The following ZC3H6 variants were observed in gnomAD, a reference collection of about 807,000 sequenced individuals.
ZC3H6 encodes the protein zinc finger CCCH domain-containing protein 6.
A neutral mutation model predicts 107.7 loss-of-function variants in ZC3H6; 40 were observed. The observed-to-expected ratio is 0.37, with a 90% CI of 0.29 to 0.48. The LOEUF is 0.48. Ranked by LOEUF, ZC3H6 falls within the 20% of genes least tolerant of loss-of-function variation. The pLI is 0.98. For missense variants in ZC3H6, 1,267 were observed against 1,410.4 expected (o/e 0.90, Z 1.63); for synonymous variants, 493 against 487.9 (o/e 1.01, Z -0.14).
At position 112,303,174 on chromosome 2, in the gene ZC3H6, G is replaced by C. The variant is rs914927410; in HGVS notation, c.214-55G>C. 100 of 1,567,522 alleles carry C rather than the reference G, an allele frequency of 6.4e-5. 1 individual carries two copies. Among genetic ancestry groups the C allele is most frequent in the Non-Finnish European group, 5.3e-5 (62 of 1,159,250 alleles). ...CTGAAACAAGCTTATCTAATTACTAGTTAAATTTTCTTCCTTTTGCAAATG... is the reference window on the plus strand; with the variant it reads ...CTGAAACAAGCTTATCTAATTACTACTTAAATTTTCTTCCTTTTGCAAATG... On this transcript the variant is annotated intron_variant, in intron 2 of 11. Coordinates refer to ENST00000409871, the MANE Select transcript of ZC3H6 (RefSeq NM_198581.3).
chr2:112,331,713 T>C lies in ZC3H6; in HGVS notation c.2795T>C (p.Leu932Ser). ...HQNTVSIDPK[L>S]AAKAKINTTN... ...AATACAGTGTCCATTGATCCAAAAT[T>C]AGCAGCCAAAGCCAAAATTAACACA... Residue 932 changes from leucine (L) to serine (S), a missense_variant, in exon 12 of 12, where the codon TTA becomes TCA. Leu to Ser is a moderately radical substitution (Grantham distance 145, BLOSUM62 -2). Transcript: ENST00000409871. 6.2e-7 allele frequency: 1 copy of C among 1,613,844 alleles called. No individual in the cohort carries two copies.
At chr2:112,330,285 C>A (rs1233687503) in intron 11 of ZC3H6, among the ~76,000 whole-genome samples, 1 of 152,072 alleles carries the variant, frequency 6.6e-6, no homozygotes, top group East Asian at 1.9e-4. Flanking sequence ...GATCTCATGA[C>A]CTCGTGATCC....
At chr2:112,290,110 TAAAA>T (rs1187976434) in intron 1 of ZC3H6, among the ~76,000 whole-genome samples, 6 of 150,780 alleles carry the variant, frequency 4.0e-5, no homozygotes, top group Non-Finnish European at 7.4e-5. Flanking sequence ...GCTATTCAAT[TAAAA>T]AAAAAACAAA....
intron 1 of ZC3H6, among the ~76,000 whole-genome samples, chr2:112,281,236 GACA>G (rs1157605785): frequency 6.6e-6 from 1 of 152,132 alleles, no homozygotes; most frequent in Non-Finnish European, 1.5e-5. Flanking sequence ...CCTGATACAA[GACA>G]ACAATTCAGA....
At chr2:112,328,518 G>GT (rs1225637882) in intron 11 of ZC3H6, among the ~76,000 whole-genome samples, 1 of 152,120 alleles carries the variant, frequency 6.6e-6, no homozygotes, top group East Asian at 1.9e-4. Flanking sequence ...TTGCATCAAT[G>GT]TAAGTGAACA....
intron 3 of ZC3H6, among the ~76,000 whole-genome samples, chr2:112,306,885 T>C (rs372344742): frequency 6.6e-6 from 1 of 152,212 alleles, no homozygotes; most frequent in East Asian, 1.9e-4. Flanking sequence ...ACCTGGTTCT[T>C]CCTGATGGGG....
At chr2:112,283,860 CATCTTAGTTAAAAATTCAT>C (rs1686565040) in intron 1 of ZC3H6, among the ~76,000 whole-genome samples, 2 of 152,222 alleles carry the variant, frequency 1.3e-5, no homozygotes, top group South Asian at 4.1e-4. Context: ...CAGACAATTT[CATCTTAGTTAAAAATTCAT>C]CTGACGTGAC....
At chr2:112,314,260 A>G (rs7571179) in intron 5 of ZC3H6, among the ~76,000 whole-genome samples, 1 of 152,066 alleles carries the variant, frequency 6.6e-6, no homozygotes, top group Non-Finnish European at 1.5e-5. Flanking sequence ...GCAAGGCACA[A>G]TTCCTGAGTT....
Position 112,299,984 on chromosome 2 carries a change from G to A in ZC3H6, c.168G>A (p.Glu56=), listed in dbSNP as rs1414567048. 3.4e-6 allele frequency: 5 copies of A among 1,490,896 alleles called. No individual in the cohort carries two copies. Among genetic ancestry groups the A allele is most frequent in the Non-Finnish European group, 4.5e-6 (5 of 1,123,326 alleles). The allele number at this position is 1,490,896 out of a possible 1,614,324, so 92.4% of individuals were successfully genotyped here. A position where few individuals can be genotyped will look rare whatever the true frequency, so the allele number is the denominator to read the frequency against. ...YRKSRKKHKK[E]REKKKSKRRK... ...AATCAAGAAAAAAACATAAGAAAGA[G>A]AGAGAGAAGAAAAAATCCAAAAGGA... The change falls in exon 2 of 12, where the codon GAG becomes GAA. Residue 56 remains glutamate (E), a synonymous_variant. Transcript: ENST00000409871.
rs937602744 is a variant in ZC3H6 at position 112,303,244 on chromosome 2, A to G, written c.229A>G (p.Ser77Gly). The G allele has an allele frequency of 5.6e-6, 9 of 1,611,208 alleles. No homozygotes were observed. Among genetic ancestry groups the G allele is most frequent in the Non-Finnish European group, 6.8e-6 (8 of 1,178,658 alleles). The change falls in exon 3 of 12, where the codon AGT (serine) becomes GGT (glycine). Residue 77 changes from serine to glycine, a missense_variant. Transcript: ENST00000409871. ...CTCCCTTCAGCATAATTCCCCATCTAGTGATGATAGTTCGGACTACAGCCT... is the reference window on the plus strand; with the variant it reads ...CTCCCTTCAGCATAATTCCCCATCTGGTGATGATAGTTCGGACTACAGCCT... ...REKHKHNSPSSDDSSDYSLDS... is the reference protein window; with the variant it reads ...REKHKHNSPSGDDSSDYSLDS...
At chr2:112,276,722 G>A (rs1192634360) in intron 1 of ZC3H6, among the ~76,000 whole-genome samples, 1 of 152,086 alleles carries the variant, frequency 6.6e-6, no homozygotes. Context: ...TTTTTGCTCT[G>A]TGCCTTAAGA....
intron 9 of ZC3H6, 80 bp from the exon 10 acceptor site, chr2:112,324,072 C>G (rs1676855988): frequency 7.0e-7 from 1 of 1,429,956 alleles, no homozygotes; most frequent in Non-Finnish European, 9.4e-7. Flanking sequence ...AGTACTTAAC[C>G]AATATCTGTT....
At position 112,275,737 on chromosome 2, in the gene ZC3H6, T is replaced by C. The variant is rs1686403018; in HGVS notation, c.-258T>C. 4.6e-6 allele frequency: 2 copies of C among 430,320 alleles called. No homozygotes were observed. The highest frequency in any genetic ancestry group is 4.1e-5 in the African/African-American group (2 of 48,722). The allele number at this position is 430,320 out of a possible 1,614,324, so 26.7% of individuals were successfully genotyped here. On this transcript the variant is annotated 5_prime_UTR_variant, in exon 1 of 12. It removes the in-frame stop codon of an upstream open reading frame in the 5' UTR. Transcript: ENST00000409871. ...ACAGCCACCGGCGGCGAATAGAGAC[T>C]AGAGCGGCAGCGCCGGCAGCGCGGG...
intron 9 of ZC3H6, among the ~76,000 whole-genome samples, chr2:112,323,752 AATT>A (rs1304295986): frequency 1.3e-5 from 2 of 152,188 alleles, no homozygotes; most frequent in Non-Finnish European, 2.9e-5. Flanking sequence ...ACCAATTACA[AATT>A]ATTATAAAAA....
intron 1 of ZC3H6, among the ~76,000 whole-genome samples, chr2:112,276,291 C>G (rs1488656127): frequency 3.3e-5 from 5 of 149,986 alleles, no homozygotes; most frequent in Admixed American, 6.6e-5. Flanking sequence ...CCCCGCCCCC[C>G]GGGCGGGCTC....
At position 112,332,149 on chromosome 2, in the gene ZC3H6, T is replaced by C. The variant is rs201215551; in HGVS notation, c.3231T>C (p.Ser1077=). The change falls in exon 12 of 12, where the codon AGT becomes AGC. Residue 1077 remains serine (S), a synonymous_variant. Coordinates refer to ENST00000409871, the MANE Select transcript of ZC3H6 (RefSeq NM_198581.3). ...AAAACTCAAAGAACCAGAAAAAAAG[T>C]GGTGGCTTAAAAAGTAGTGACAAAA... The part of the protein sequence containing the change: ...SGENSKNQKK[S]GGLKSSDKTE... 6.2e-7 allele frequency: 1 copy of C among 1,613,814 alleles called. No individual in the cohort carries two copies. Among genetic ancestry groups the C allele is most frequent in the Non-Finnish European group, 8.5e-7 (1 of 1,179,824 alleles).
intron 2 of ZC3H6, among the ~76,000 whole-genome samples, chr2:112,301,493 A>AT (rs1291504143): frequency 6.6e-6 from 1 of 152,198 alleles, no homozygotes; most frequent in African/African-American, 2.4e-5. Flanking sequence ...CCCTAGAGCT[A>AT]TGAAGCTAGG....
At position 112,333,478 on chromosome 2, in the gene ZC3H6, A is replaced by G. The variant is rs1396796069; in HGVS notation, c.*990A>G. 6 of 152,460 alleles carry G rather than the reference A, an allele frequency of 3.9e-5. No individual in the cohort carries two copies. Among genetic ancestry groups the G allele is most frequent in the African/African-American group, 7.2e-5 (3 of 41,448 alleles). The allele number at this position is 152,460 out of a possible 1,614,324, so 9.4% of individuals were successfully genotyped here. Reference sequence around the variant, plus strand: ...TAGTCAACAGTATTTGGCTATCAATAAAGAATCTCTTTAAGATCTCACCCG... The same window carrying G: ...TAGTCAACAGTATTTGGCTATCAATGAAGAATCTCTTTAAGATCTCACCCG... On this transcript the variant is annotated 3_prime_UTR_variant, in exon 12 of 12. Transcript: ENST00000409871.
chr2:112,306,182 T>C (rs1011312195), intron 3 of ZC3H6, among the ~76,000 whole-genome samples: 1 of 151,208 alleles, frequency 6.6e-6, no homozygotes, highest in Admixed American at 6.6e-5. Flanking sequence ...TTCTTTTTTT[T>C]TTTTTTTTGA....
Sources: gnomAD v4.1 joint callset for allele counts (sites outside exome capture counted in the v4.1 genomes callset) on GRCh38, gnomAD v4.1.1 for gene constraint, MANE v1.5 for transcripts, NCBI Gene and HGNC (gene_info 2026-07-23, HGNC 2026-07-21) for gene names.